ADAMDEC1: variants seen among roughly 807,000 people sequenced by gnomAD.
The protein encoded by ADAMDEC1 is ADAM like decysin 1, also known as ADAM DEC1.
Under a neutral mutation model 60.4 loss-of-function variants are expected in ADAMDEC1, and 62 were observed. That is an observed-to-expected ratio of 1.03 (90% CI 0.84 to 1.27). The LOEUF is 1.27. Among genes scored for constraint, ADAMDEC1 ranks in the 50% most tolerant of loss-of-function variants. The pLI, the probability that ADAMDEC1 is intolerant of heterozygous loss-of-function variation, is 0.00. For synonymous variants in ADAMDEC1, 210 were observed against 195.1 expected (o/e 1.08, Z -0.64); for missense variants, 595 against 565.0 (o/e 1.05, Z -0.54).
In ADAMDEC1 at chr8:24,398,479, G is replaced by A. The variant is rs201128491; in HGVS notation, c.691-1G>A. The A allele has an allele frequency of 3.2e-6, 5 of 1,558,126 alleles. No homozygotes were observed. The highest frequency in any genetic ancestry group is 4.4e-6 in the Non-Finnish European group (5 of 1,134,984). The stretch of plus-strand genomic sequence containing the variant: ...TATACTTTGTGTTTTGTATTTTACA[G>A]TATAAGAACTATAATGAGAATCTAA... On this transcript the variant is annotated splice_acceptor_variant, in intron 7 of 13. Transcript: ENST00000256412. LOFTEE classifies it high-confidence loss of function.
intron 8 of ADAMDEC1, 115 bp downstream of exon 8, chr8:24,398,666 AG>A: frequency 1.0e-6 from 1 of 972,434 alleles, no homozygotes; most frequent in Non-Finnish European, 1.5e-6. Flanking sequence ...TAAGTTAAAT[AG>A]TTCAGGGAAA....
At chr8:24,396,904 G>T (rs1051685037) in intron 5 of ADAMDEC1, among the ~76,000 whole-genome samples, 1 of 152,176 alleles carries the variant, frequency 6.6e-6, no homozygotes, top group Non-Finnish European at 1.5e-5. Context: ...CCCCTCTGGG[G>T]TTCTTGCTAT....
At chr8:24,398,842 C>A in intron 8 of ADAMDEC1, 32 bp from the exon 9 acceptor site, 1 of 1,603,634 alleles carries the variant, frequency 6.2e-7, no homozygotes, top group South Asian at 1.1e-5. Context: ...GAATCCTGAA[C>A]ATTTTTATGA....
Position 24,395,701 on chromosome 8 carries a change from TTTC to T in ADAMDEC1, c.364-16_364-14del. 1 of 1,573,122 alleles carries T rather than the reference TTTC, an allele frequency of 6.4e-7. No homozygotes were observed. Among genetic ancestry groups the T allele is most frequent in the Non-Finnish European group, 8.7e-7 (1 of 1,145,146 alleles). On this transcript the variant is annotated splice_polypyrimidine_tract_variant and intron_variant, in intron 4 of 13. Coordinates refer to ENST00000256412, the MANE Select transcript of ADAMDEC1 (RefSeq NM_014479.3). ...ACACACACACATTTCTGAAGCATAA[TTTC>T]TTTTTTCCACTCCAGGAACACTGTT...
intron 8 of ADAMDEC1, 39 bp downstream of exon 8, chr8:24,398,590 G>A: frequency 7.0e-7 from 1 of 1,425,334 alleles, no homozygotes; most frequent in Non-Finnish European, 9.7e-7. Flanking sequence ...TTTCTGCATA[G>A]GGAAGTTCTG....
intron 4 of ADAMDEC1, 99 bp from the exon 5 acceptor site, chr8:24,395,621 C>T: frequency 1.3e-6 from 1 of 789,290 alleles, no homozygotes; most frequent in Admixed American, 2.7e-5. Flanking sequence ...TTCCTCACAA[C>T]TGTGATACAT....
intron 6 of ADAMDEC1, 59 bp from the exon 7 acceptor site, chr8:24,397,624 C>T: frequency 6.5e-7 from 1 of 1,538,604 alleles, no homozygotes; most frequent in Non-Finnish European, 8.9e-7. Context: ...TCCTTTTAAG[C>T]TTTGGAATCT....
In ADAMDEC1 at chr8:24,384,504, C is replaced by A; in HGVS notation, c.-1C>A. ...CTGGACACTGGGGAGACCACAACTT[C>A]ATGCTGCGTGGGATCTCCCAGCTAC... On this transcript the variant is annotated 5_prime_UTR_variant, in exon 1 of 14. Transcript: ENST00000256412. 6.2e-7 allele frequency: 1 copy of A among 1,604,820 alleles called. No homozygotes were observed. Among genetic ancestry groups the A allele is most frequent in the Non-Finnish European group, 8.5e-7 (1 of 1,175,012 alleles).
intron 11 of ADAMDEC1, among the ~76,000 whole-genome samples, chr8:24,401,584 T>C (rs1249758046): frequency 6.6e-6 from 1 of 152,162 alleles, no homozygotes; most frequent in Non-Finnish European, 1.5e-5. Flanking sequence ...CAATTCTCAA[T>C]GCAAAATGAG....
rs1440121047 is a variant in ADAMDEC1, at chr8:24,397,275, A to G, written c.446A>G (p.Tyr149Cys). The stretch of plus-strand genomic sequence containing the variant: ...TAAGTCTCTATATCTCCCAGAGGAT[A>G]CTTCACACATCATCACCAAAGATAC... ...SISTCDGLRGYFTHHHQRYQI... is the reference protein window; with the variant it reads ...SISTCDGLRGCFTHHHQRYQI... Residue 149 changes from tyrosine (Y) to cysteine (C), a missense_variant, in exon 6 of 14, where the codon TAC becomes TGC. Transcript: ENST00000256412. 1 of 1,610,844 alleles carries G rather than the reference A, an allele frequency of 6.2e-7. No individual in the cohort carries two copies. Among genetic ancestry groups the G allele is most frequent in the Non-Finnish European group, 8.5e-7 (1 of 1,178,996 alleles).
chr8:24,390,359 A>C (rs1295166073), intron 1 of ADAMDEC1: 2 of 319,226 alleles, frequency 6.3e-6, no homozygotes, highest in Non-Finnish European at 1.1e-5. Context: ...TTTTTAAAAT[A>C]CATTTTTGAG....
At chr8:24,399,175 C>T (rs1171672741) in intron 9 of ADAMDEC1, 135 bp downstream of exon 9, 1 of 1,079,052 alleles carries the variant, frequency 9.3e-7, no homozygotes, top group Non-Finnish European at 1.3e-6. Context: ...TAGCAATTCA[C>T]CTGTGACATT....
At chr8:24,397,198 C>T in intron 5 of ADAMDEC1, 72 bp from the exon 6 acceptor site, 1 of 1,430,538 alleles carries the variant, frequency 7.0e-7, no homozygotes, top group Non-Finnish European at 9.5e-7. Context: ...GGGCAGACAT[C>T]AATCCATTCT....
In ADAMDEC1 at chr8:24,401,905, C is replaced by A. The variant is rs750904995; in HGVS notation, c.1143-10C>A. The A allele has an allele frequency of 1.2e-6, 2 of 1,600,126 alleles. No individual in the cohort carries two copies. The highest frequency in any genetic ancestry group is 1.7e-6 in the Non-Finnish European group (2 of 1,175,180). On this transcript the variant is annotated splice_polypyrimidine_tract_variant and intron_variant, in intron 11 of 13. Coordinates refer to ENST00000256412, the MANE Select transcript of ADAMDEC1 (RefSeq NM_014479.3). ...TATATCATATTATTTGAGTTTTCTT[C>A]TGATTACAGTTCAAAATTCCCAAAG...
Position 24,384,573 on chromosome 8 carries a change from G to T in ADAMDEC1, c.69G>T (p.Trp23Cys). 1.2e-6 allele frequency: 2 copies of T among 1,610,374 alleles called. No individual in the cohort carries two copies. Among genetic ancestry groups the T allele is most frequent in the Non-Finnish European group, 1.7e-6 (2 of 1,178,316 alleles). ...CTTGGGTCCTGCTGCCTGTACTTTG[G>T]CTCATTGTTCAAACTCAAGGTACGT... ...TMSWVLLPVL[W>C]LIVQTQAIAI... The change falls in exon 1 of 14, where the codon TGG (tryptophan) becomes TGT (cysteine). Residue 23 changes from tryptophan (W) to cysteine (C), a missense_variant. Physicochemically the swap from Trp to Cys is radical, Grantham distance 215 (BLOSUM62 -2). Coordinates refer to ENST00000256412, the MANE Select transcript of ADAMDEC1 (RefSeq NM_014479.3).
chr8:24,403,092 A>G (rs1214651656), intron 12 of ADAMDEC1, among the ~76,000 whole-genome samples: 1 of 152,126 alleles, frequency 6.6e-6, no homozygotes, highest in Non-Finnish European at 1.5e-5. Flanking sequence ...GAAGAGGCCA[A>G]GAGAGGACCA....
rs776142079 is a variant in ADAMDEC1 at position 24,397,326 on chromosome 8, A to G, written c.497A>G (p.Asp166Gly). Residue 166 changes from aspartate (D) to glycine (G), a missense_variant, in exon 6 of 14, where the codon GAC becomes GGC. Coordinates refer to ENST00000256412, the MANE Select transcript of ADAMDEC1 (RefSeq NM_014479.3). ...CAGATAAAACCTCTGAAAAGCACAG[A>G]CGAGAAAGAACATGCCGTCTTTACA... Reference protein sequence around the residue: ...RYQIKPLKSTDEKEHAVFTSN... With the variant: ...RYQIKPLKSTGEKEHAVFTSN... The G allele has an allele frequency of 1.9e-6, 3 of 1,613,956 alleles. No homozygotes were observed. The highest frequency in any genetic ancestry group is 1.3e-5 in the African/African-American group (1 of 74,934).
rs1817653027 is a variant in ADAMDEC1 at position 24,397,742 on chromosome 8, C to T, written c.687C>T (p.Ala229=). 1 of 1,612,700 alleles carries T rather than the reference C, an allele frequency of 6.2e-7. No homozygotes were observed. Residue 229 remains alanine (A), a synonymous_variant, in exon 7 of 14, where the codon GCC becomes GCT. Transcript: ENST00000256412. ...ATCTCTATTTGGTGCTGGATAATGC[C>T]TTTGTGAGTATGAAACACACGGCCC... is the stretch of plus-strand genomic sequence containing the variant. ...YIDLYLVLDN[A]FYKNYNENLT... is the part of the protein sequence containing the mutation.
In ADAMDEC1 at chr8:24,400,302, T is replaced by C. The variant is rs1453023211; in HGVS notation, c.1142+2T>C. 2 of 1,590,042 alleles carry C rather than the reference T, an allele frequency of 1.3e-6. No homozygotes were observed. Among genetic ancestry groups the C allele is most frequent in the Non-Finnish European group, 1.7e-6 (2 of 1,172,114 alleles). ...TTGTGTGATGAATCAGTATCTGAGG[T>C]GAGACCTTGTCATCCTAAAAGGAGA... On this transcript the variant is annotated splice_donor_variant, in intron 11 of 13. Transcript: ENST00000256412. LOFTEE classifies it high-confidence loss of function.
Sources: gnomAD v4.1 joint callset for allele counts (sites outside exome capture counted in the v4.1 genomes callset) on GRCh38, gnomAD v4.1.1 for gene constraint, MANE v1.5 for transcripts, NCBI Gene and HGNC (gene_info 2026-07-23, HGNC 2026-07-21) for gene names.